Variants in EXOC1 observed in about 807,000 individuals in gnomAD.
EXOC1 encodes SEC3-like 1.
A neutral mutation model predicts 107.7 loss-of-function variants in EXOC1; 67 were observed. That is an observed-to-expected ratio of 0.62 (90% CI 0.51 to 0.76). The LOEUF (loss-of-function observed/expected upper bound fraction) is 0.76. Among genes scored for constraint, EXOC1 ranks in the 30% least tolerant of loss-of-function variants. The pLI, the probability that EXOC1 is intolerant of heterozygous loss-of-function variation, is 0.00. For synonymous variants in EXOC1, 348 were observed against 353.5 expected, an observed-to-expected ratio of 0.98 and a Z score of 0.17; for missense variants, 833 against 1,055.7, an observed-to-expected ratio of 0.79 and a Z score of 2.92.
chr4:55,871,295 T>G, intron 7 of EXOC1, 62 bp downstream of exon 7: 1 of 1,551,218 alleles, frequency 6.4e-7, no homozygotes, highest in Middle Eastern at 1.7e-4. Flanking sequence ...TGTAACTTGT[T>G]ATAAAGGTTT....
intron 17 of EXOC1, among the ~76,000 whole-genome samples, chr4:55,900,115 G>C (rs1481367903): frequency 6.6e-6 from 1 of 151,808 alleles, no homozygotes; most frequent in Admixed American, 6.6e-5. Flanking sequence ...AATGATAATT[G>C]TACTAGTATT....
rs1722344698 is a variant in EXOC1 at position 55,870,660 on chromosome 4, T to G, written c.604-18T>G. 1 of 1,371,456 alleles carries G rather than the reference T, an allele frequency of 7.3e-7. No individual in the cohort carries two copies. The highest frequency in any genetic ancestry group is 1.7e-5 in the African/African-American group (1 of 59,970). 85.0% of individuals were successfully genotyped at this position (1,371,456 alleles called of 1,614,324 possible). On this transcript the variant is annotated intron_variant, in intron 5 of 18. Coordinates refer to ENST00000381295, the MANE Select transcript of EXOC1 (RefSeq NM_001024924.2). ...TGTTTGTTTGTTTGTTTGTTTGTTT[T>G]GGTCTTTAACTTTGTAGGCTAACAT...
chr4:55,893,254 G>T (rs763293729), intron 14 of EXOC1, among the ~76,000 whole-genome samples: 3 of 152,010 alleles, frequency 2.0e-5, no homozygotes, highest in Non-Finnish European at 4.4e-5. Context: ...CAAGTAGCTG[G>T]GATTACAGAC....
intron 8 of EXOC1, chr4:55,872,680 C>T (rs1178254242): frequency 1.8e-6 from 1 of 542,556 alleles, no homozygotes; most frequent in Non-Finnish European, 2.3e-6. Context: ...TGCCTGAAAA[C>T]AATGGATTTT....
At chr4:55,859,120 T>G (rs1721248898) in intron 2 of EXOC1, among the ~76,000 whole-genome samples, 1 of 152,236 alleles carries the variant, frequency 6.6e-6, no homozygotes, top group Non-Finnish European at 1.5e-5. Context: ...ATTTTGTTTT[T>G]GTTCTTTATT....
At chr4:55,862,251 A>G (rs1253148160) in intron 3 of EXOC1, among the ~76,000 whole-genome samples, 1 of 151,736 alleles carries the variant, frequency 6.6e-6, no homozygotes, top group Non-Finnish European at 1.5e-5. Context: ...TAATTCAGTA[A>G]CATTGCTGAA....
At chr4:55,893,952 A>G (rs1310054402) in intron 15 of EXOC1, among the ~76,000 whole-genome samples, 172 bp downstream of exon 15, 3 of 152,170 alleles carry the variant, frequency 2.0e-5, no homozygotes, top group Non-Finnish European at 2.9e-5. Context: ...GGGTGGCACT[A>G]TGCCAGCTAG....
At chr4:55,879,337 G>A (rs890077653) in intron 9 of EXOC1, among the ~76,000 whole-genome samples, 1 of 152,180 alleles carries the variant, frequency 6.6e-6, no homozygotes, top group Non-Finnish European at 1.5e-5. Context: ...GGAGAAGGGC[G>A]TGGGATAAGG....
chr4:55,894,481 ATTAT>A (rs896585743), intron 15 of EXOC1, among the ~76,000 whole-genome samples: 4 of 151,976 alleles, frequency 2.6e-5, no homozygotes, highest in Non-Finnish European at 4.4e-5. Flanking sequence ...GATTATTTTA[ATTAT>A]TTAATTTATT....
At chr4:55,873,516 AAT>A (rs1722629068) in intron 8 of EXOC1, among the ~76,000 whole-genome samples, 1 of 152,172 alleles carries the variant, frequency 6.6e-6, no homozygotes, top group Non-Finnish European at 1.5e-5. Flanking sequence ...GCCAGTAAAC[AAT>A]AGTCTTTTCT....
At chr4:55,886,274 C>G (rs753181385) in intron 10 of EXOC1, among the ~76,000 whole-genome samples, 35 of 152,054 alleles carry the variant, frequency 2.3e-4, no homozygotes, top group Non-Finnish European at 3.7e-4. Flanking sequence ...TAACTCCAGC[C>G]TGGCGCAGTG....
rs145724517 is a variant in EXOC1, at chr4:55,882,139, T to C, written c.1225-1684T>C. Among the ~76,000 whole-genome samples, 1,183 of 152,240 alleles carry C rather than the reference T, an allele frequency of 7.8e-3. 7 individuals are homozygous for C. The highest frequency in any genetic ancestry group is 0.027 in the African/African-American group (1,109 of 41,538). On this transcript the variant is annotated intron_variant, in intron 9 of 18. Transcript: ENST00000381295. The stretch of plus-strand genomic sequence containing the variant: ...GTTGTATTGTGTTTTGTTTTGTTTT[T>C]GTTTTCGTTTTTGTTTTTTTAGGCA...
chr4:55,856,002 C>T (rs1228784067), intron 1 of EXOC1, among the ~76,000 whole-genome samples: 1 of 152,072 alleles, frequency 6.6e-6, no homozygotes, highest in Non-Finnish European at 1.5e-5. Flanking sequence ...AAGTCATTTG[C>T]AGAGCGGGAG....
chr4:55,876,265 T>C, intron 8 of EXOC1: 10 of 985,434 alleles, frequency 1.0e-5, no homozygotes, highest in Non-Finnish European at 1.1e-5. Context: ...TTGGAAGATG[T>C]GATTGTTTTA....
intron 9 of EXOC1, among the ~76,000 whole-genome samples, chr4:55,882,508 T>A (rs1039019003): frequency 6.6e-6 from 1 of 152,212 alleles, no homozygotes; most frequent in African/African-American, 2.4e-5. Flanking sequence ...GAATTTTAAT[T>A]TATATTTGCT....
Position 55,893,701 on chromosome 4 carries a change from A to ATG in EXOC1, c.1877_1878dup (p.Asp627TrpfsTer7). ...AGTCATCATGTGTGGACTGCACAAAATGTGGACCCTGCTTCTTTCCTAAGT... is the reference window on the plus strand; with the variant it reads ...AGTCATCATGTGTGGACTGCACAAAATGTGTGGACCCTGCTTCTTTCCTAAGT... On this transcript the variant is annotated frameshift_variant, in exon 15 of 19. Transcript: ENST00000381295. LOFTEE classifies it high-confidence loss of function. 1 of 1,614,164 alleles carries ATG rather than the reference A, an allele frequency of 6.2e-7. No homozygotes were observed. Among genetic ancestry groups the ATG allele is most frequent in the Non-Finnish European group, 8.5e-7 (1 of 1,180,018 alleles).
At chr4:55,860,075 C>G (rs73238370) in intron 2 of EXOC1, among the ~76,000 whole-genome samples, 8,168 of 152,238 alleles carry the variant, frequency 0.054, 325 homozygotes, top group Non-Finnish European at 0.083. Context: ...TATTGTTGCT[C>G]TTTGAAATGG....
intron 3 of EXOC1, among the ~76,000 whole-genome samples, chr4:55,863,163 G>T (rs910338106): frequency 3.3e-5 from 5 of 151,986 alleles, no homozygotes; most frequent in Non-Finnish European, 5.9e-5. Flanking sequence ...GCCTCCCAAA[G>T]TGCTAGGATT....
At chr4:55,894,920 A>G (rs1350344259) in intron 15 of EXOC1, among the ~76,000 whole-genome samples, 6 of 152,082 alleles carry the variant, frequency 3.9e-5, no homozygotes, top group African/African-American at 1.4e-4. Context: ...CCGGCCATCT[A>G]TCCATTACAT....
Sources: allele counts gnomAD v4.1 joint callset (sites outside exome capture counted in the v4.1 genomes callset), GRCh38; gene constraint gnomAD v4.1.1; transcripts MANE v1.5; gene names NCBI Gene and HGNC (gene_info 2026-07-23, HGNC 2026-07-21).